Variants in KIF1A observed in about 807,000 individuals in gnomAD.
The protein encoded by KIF1A is kinesin family member 1A, also known as kinesin-like protein KIF1A.
KIF1A carries 46 observed loss-of-function variants against 227.3 expected under a neutral mutation model. That is an observed-to-expected ratio of 0.20 (90% CI 0.16 to 0.26). The LOEUF (loss-of-function observed/expected upper bound fraction) is 0.26, where lower values mean the gene tolerates loss of function less well. KIF1A is among the 10% of genes least tolerant of loss of function. KIF1A has a pLI of 1.00. For missense variants in KIF1A, 1,683 were observed against 2,485.9 expected, an observed-to-expected ratio of 0.68 and a Z score of 6.87; for synonymous variants, 1,022 against 1,012.8, an observed-to-expected ratio of 1.01 and a Z score of -0.17.
At chr2:240,745,056 G>A (rs1276581733) in intron 32 of KIF1A, among the ~76,000 whole-genome samples, 2 of 152,094 alleles carry the variant, frequency 1.3e-5, no homozygotes, top group Non-Finnish European at 2.9e-5. Context: ...CCGGCACCCT[G>A]TAGCCCCTGT....
At chr2:240,814,434 A>G in intron 1 of KIF1A, among the ~76,000 whole-genome samples, 1 of 152,146 alleles carries the variant, frequency 6.6e-6, no homozygotes, top group Non-Finnish European at 1.5e-5. Flanking sequence ...AGGACACAGC[A>G]AAAACACTCT....
chr2:240,785,513 C>G (rs1208219021), intron 6 of KIF1A, among the ~76,000 whole-genome samples: 1 of 152,186 alleles, frequency 6.6e-6, no homozygotes, highest in East Asian at 1.9e-4. Context: ...CGCCACACCC[C>G]TCAGGAGATG....
rs1379668847 is a variant in KIF1A, at chr2:240,737,375, T to C, written c.3902-207A>G. ...TGTGTAGTTGCTGCTCCACGGTCTTTCTTGTCTGTCTCTCGGCCACAGTGA... is the reference window on the plus strand; with the variant it reads ...TGTGTAGTTGCTGCTCCACGGTCTTCCTTGTCTGTCTCTCGGCCACAGTGA... On this transcript the variant is annotated intron_variant, in intron 37 of 48. Coordinates refer to ENST00000498729, the MANE Select transcript of KIF1A (RefSeq NM_001244008.2). The C allele has an allele frequency of 5.0e-5, 25 of 502,952 alleles. No individual in the cohort carries two copies. The East Asian group carries it at 8.1e-4, about 16-fold the overall frequency. 31.2% of individuals were successfully genotyped at this position (502,952 alleles called of 1,614,324 possible). A position where few individuals can be genotyped will look rare whatever the true frequency, so the allele number is the denominator to read the frequency against.
chr2:240,729,600 A>T (rs1013490790), intron 38 of KIF1A, among the ~76,000 whole-genome samples: 6 of 152,236 alleles, frequency 3.9e-5, no homozygotes, highest in African/African-American at 1.4e-4. Context: ...ACTCTGCTGG[A>T]GCCAGGCCTG....
In KIF1A at chr2:240,795,415, G is replaced by C. The variant is rs1454987628; in HGVS notation, c.106+2232C>G. Among the ~76,000 whole-genome samples the C allele has an allele frequency of 4.6e-5, 7 of 152,290 alleles. No individual in the cohort carries two copies. The East Asian group carries it at 1.4e-3, about 29-fold the overall frequency. ...CTCCTAAGCCGTGGGGTAAAGCTTT[G>C]GTTCAGCTTTTGTTCTCCAGGCCAG... On this transcript the variant is annotated intron_variant, in intron 2 of 48. Coordinates refer to ENST00000498729, the MANE Select transcript of KIF1A (RefSeq NM_001244008.2).
intron 1 of KIF1A, among the ~76,000 whole-genome samples, chr2:240,808,852 T>C (rs959970638): frequency 2.0e-5 from 3 of 152,012 alleles, no homozygotes; most frequent in African/African-American, 7.2e-5. Context: ...TGCCTCAGCC[T>C]CCCGAGTAGT....
chr2:240,771,173 G>GA (rs754397818), intron 14 of KIF1A, 69 bp from the exon 15 acceptor site: 1 of 1,603,436 alleles, frequency 6.2e-7, no homozygotes, highest in Non-Finnish European at 8.5e-7. Context: ...CTCAAGGTCG[G>GA]ACACGTCTAT....
At chr2:240,738,704 C>T (rs1255038113) in intron 37 of KIF1A, among the ~76,000 whole-genome samples, 1 of 152,256 alleles carries the variant, frequency 6.6e-6, no homozygotes, top group Non-Finnish European at 1.5e-5. Flanking sequence ...CCCAACCCCA[C>T]ATAAACAGAC....
At chr2:240,805,112 GGAGA>G (rs2057303571) in intron 1 of KIF1A, among the ~76,000 whole-genome samples, 3 of 69,848 alleles carry the variant, frequency 4.3e-5, no homozygotes, top group African/African-American at 1.2e-4. Flanking sequence ...GGGGAGGGAG[GGAGA>G]GGGGAGGGAG....
Position 240,813,328 on chromosome 2 carries a change from C to T in KIF1A, c.-61+6794G>A, listed in dbSNP as rs76708939. On this transcript the variant is annotated intron_variant, in intron 1 of 48. Coordinates refer to ENST00000498729, the MANE Select transcript of KIF1A (RefSeq NM_001244008.2). ...CCACACAGCCCCCAACTGCAAAGGG[C>T]GTGGGAGAGGCGTTTCCTGGGACCT... Among the ~76,000 whole-genome samples the T allele has an allele frequency of 3.5e-3, 531 of 152,326 alleles. 20 individuals are homozygous for T. In the East Asian group the frequency reaches 0.08, roughly 23 times the overall value.
intron 1 of KIF1A, among the ~76,000 whole-genome samples, chr2:240,815,044 T>C (rs2058213848): frequency 6.6e-6 from 1 of 152,214 alleles, no homozygotes; most frequent in Non-Finnish European, 1.5e-5. Flanking sequence ...GGTCTGCGCC[T>C]AGCCCACTGC....
Position 240,742,977 on chromosome 2 carries a change from T to A in KIF1A, c.3592A>T (p.Arg1198Trp). The change falls in exon 34 of 49, where the codon AGG becomes TGG. Residue 1198 changes from arginine to tryptophan, a missense_variant. By Grantham distance (101) the Arg-to-Trp change is moderately radical. Coordinates refer to ENST00000498729, the MANE Select transcript of KIF1A (RefSeq NM_001244008.2). ...CGAGGGAAGTGGCGGCGCGAGGGCC[T>A]CAGGGGGCTGTGGAGAAAGGACCAG... ...PLCKDVLSPL[R>W]PSRRHFPRVM... 3.1e-6 allele frequency: 5 copies of A among 1,609,752 alleles called. No homozygotes were observed. Among genetic ancestry groups the A allele is most frequent in the Non-Finnish European group, 4.2e-6 (5 of 1,177,782 alleles).
intron 38 of KIF1A, among the ~76,000 whole-genome samples, chr2:240,731,296 CA>C (rs2046569389): frequency 6.6e-6 from 1 of 151,188 alleles, no homozygotes; most frequent in Non-Finnish European, 1.5e-5. Flanking sequence ...ACAGACTAAA[CA>C]GAGGCAGGGA....
At chr2:240,749,644 C>T (rs1017282196) in intron 28 of KIF1A, among the ~76,000 whole-genome samples, 11 of 152,210 alleles carry the variant, frequency 7.2e-5, no homozygotes, top group African/African-American at 2.2e-4. Context: ...GGCAGCCAAG[C>T]GCTCTCACAT....
At chr2:240,762,860 G>A in intron 22 of KIF1A, 48 bp from the exon 23 acceptor site, 1 of 1,519,890 alleles carries the variant, frequency 6.6e-7, no homozygotes, top group Non-Finnish European at 8.9e-7. Context: ...ACCTGCCTGG[G>A]CCTCTCACAC....
chr2:240,780,282 G>A (rs1382217460), intron 10 of KIF1A, among the ~76,000 whole-genome samples: 1 of 151,768 alleles, frequency 6.6e-6, no homozygotes, highest in East Asian at 1.9e-4. Context: ...CGATTCCCAC[G>A]CGGCCCCACA....
intron 5 of KIF1A, 77 bp from the exon 6 acceptor site, chr2:240,786,590 G>A: frequency 5.0e-6 from 7 of 1,388,004 alleles, no homozygotes; most frequent in Non-Finnish European, 7.0e-6. Flanking sequence ...CCCTGAGTGA[G>A]GGGGTAGGGG....
In KIF1A at chr2:240,717,302, G is replaced by A. The variant is rs942876187; in HGVS notation, c.*62C>T. On this transcript the variant is annotated 3_prime_UTR_variant, in exon 49 of 49. Transcript: ENST00000498729. ...AGAGGGGCTGGGCGGCAGGTGACAG[G>A]ACAGACGAGGATGAGGGAGGGGATG... 1.3e-6 allele frequency: 2 copies of A among 1,498,852 alleles called. No homozygotes were observed. Among genetic ancestry groups the A allele is most frequent in the African/African-American group, 1.4e-5 (1 of 72,744 alleles). 92.8% of individuals were successfully genotyped at this position (1,498,852 alleles called of 1,614,324 possible). A position where few individuals can be genotyped will look rare whatever the true frequency, so the allele number is the denominator to read the frequency against.
intron 44 of KIF1A, among the ~76,000 whole-genome samples, 184 bp downstream of exon 44, chr2:240,721,623 T>C (rs1254062745): frequency 2.0e-5 from 3 of 152,150 alleles, no homozygotes; most frequent in East Asian, 3.9e-4. Flanking sequence ...CCACCTCCCA[T>C]GGACCCCAGG....
Sources: gnomAD v4.1 joint callset for allele counts (sites outside exome capture counted in the v4.1 genomes callset) on GRCh38, gnomAD v4.1.1 for gene constraint, MANE v1.5 for transcripts, NCBI Gene and HGNC (gene_info 2026-07-23, HGNC 2026-07-21) for gene names.